The following ITIH3 variants were observed in gnomAD, a reference collection of about 807,000 sequenced individuals.
ITIH3 encodes inter-alpha-trypsin inhibitor heavy chain 3, also known as inter-alpha-trypsin inhibitor heavy chain H3.
ITIH3 carries 81 observed loss-of-function variants against 96.5 expected under a neutral mutation model. That is an observed-to-expected ratio of 0.84 (90% CI 0.70 to 1.01). The LOEUF (loss-of-function observed/expected upper bound fraction) is 1.01. Ranked by LOEUF, ITIH3 falls within the 50% of genes least tolerant of loss-of-function variation. The pLI is 0.00. For synonymous variants in ITIH3, 422 were observed against 445.2 expected (o/e 0.95, Z 0.66); for missense variants, 1,057 against 1,139.3 (o/e 0.93, Z 1.04).
At chr3:52,805,588 C>T (rs565507023) in intron 15 of ITIH3, 22 of 1,368,492 alleles carry the variant, frequency 1.6e-5, no homozygotes, top group East Asian at 8.4e-5. Flanking sequence ...AAAAGCCCTG[C>T]GCCAACGTTA....
Position 52,808,553 on chromosome 3 carries a change from G to A in ITIH3, c.2545G>A (p.Gly849Ser), listed in dbSNP as rs373075211. 132 of 1,613,420 alleles carry A rather than the reference G, an allele frequency of 8.2e-5. No individual in the cohort carries two copies. The highest frequency in any genetic ancestry group is 1.7e-5 in the Admixed American group (1 of 59,986). ...VKNHQLIVTR[G>S]SQKDYRKDAS... ...GCAGCATCTCTCTTCTTTCCCCAGG[G>A]GCTCCCAGAAAGACTACAGAAAGGA... Residue 849 changes from glycine to serine, a missense_variant and splice_region_variant, in exon 22 of 22, where the codon GGC becomes AGC. Gly to Ser is a moderately conservative substitution (Grantham distance 56). Transcript: ENST00000449956.
chr3:52,800,050 G>A, intron 9 of ITIH3, 129 bp downstream of exon 9: 1 of 794,246 alleles, frequency 1.3e-6, no homozygotes, highest in Non-Finnish European at 2.0e-6. Context: ...GGGTAGAGGT[G>A]GGAGTGGATG....
Position 52,807,051 on chromosome 3 carries a change from G to C in ITIH3, c.2207G>C (p.Arg736Thr). Residue 736 changes from arginine to threonine, a missense_variant, in exon 19 of 22, where the codon AGG (arginine) becomes ACG (threonine). Physicochemically the swap from Arg to Thr is moderately conservative, Grantham distance 71. Transcript: ENST00000449956. ...ACGGAGAAGATCACCCTGTGGAACA[G>C]GGCCGTGCCGAGCACTTTCAGCTGG... ...VTTEKITLWN[R>T]AVPSTFSWLD... 1 of 1,601,182 alleles carries C rather than the reference G, an allele frequency of 6.2e-7. No individual in the cohort carries two copies. Among genetic ancestry groups the C allele is most frequent in the Non-Finnish European group, 8.5e-7 (1 of 1,174,034 alleles).
chr3:52,800,775 T>G (rs1699801917), intron 10 of ITIH3, 112 bp downstream of exon 10: 1 of 1,488,574 alleles, frequency 6.7e-7, no homozygotes. Flanking sequence ...GGGTTCCCTG[T>G]GGTCTGGGAG....
At chr3:52,799,122 T>C (rs1334072844) in intron 7 of ITIH3, 31 bp downstream of exon 7, 2 of 1,610,932 alleles carry the variant, frequency 1.2e-6, no homozygotes, top group Non-Finnish European at 1.7e-6. Context: ...ATCATCAGGG[T>C]GGGGCGAGGG....
rs1255180788 is a variant in ITIH3 at position 52,803,306 on chromosome 3, ATTTTATTTTATTATTATTATTTTTTT to A, written c.1709+505_1710-519del. On this transcript the variant is annotated intron_variant, in intron 13 of 21. Coordinates refer to ENST00000449956, the MANE Select transcript of ITIH3 (RefSeq NM_002217.4). ...TATTTATTTATTTATTTATTTATTTATTTTATTTTATTATTATTATTTTTTTTTTTGAGACGGAGTCTCGCTCTGTC... is the reference window on the plus strand; with the variant it reads ...TATTTATTTATTTATTTATTTATTTATTTTGAGACGGAGTCTCGCTCTGTC... 2.4e-3 allele frequency among the ~76,000 whole-genome samples: 305 copies of A among 129,518 alleles called. 1 individual carries two copies. The highest frequency in any genetic ancestry group is 8.8e-3 in the African/African-American group (290 of 33,104). The allele number at this position is 129,518 out of a possible 152,430, so 85.0% of individuals were successfully genotyped here. A position where few individuals can be genotyped will look rare whatever the true frequency, so the allele number is the denominator to read the frequency against.
intron 3 of ITIH3, 45 bp downstream of exon 3, chr3:52,796,692 GT>G: frequency 1.2e-6 from 2 of 1,605,890 alleles, no homozygotes; most frequent in Non-Finnish European, 1.7e-6. Context: ...GGAACAGGGG[GT>G]CTGGCCCAGT....
At chr3:52,795,686 A>C in intron 2 of ITIH3, 63 bp downstream of exon 2, 1 of 1,514,052 alleles carries the variant, frequency 6.6e-7, no homozygotes, top group South Asian at 1.2e-5. Flanking sequence ...TGGTTCCCCA[A>C]CTGCTGAAGG....
At chr3:52,799,541 G>T (rs1001487574) in intron 8 of ITIH3, 53 bp downstream of exon 8, 49 of 1,334,422 alleles carry the variant, frequency 3.7e-5, no homozygotes, top group Admixed American at 2.6e-4. Context: ...GGGTGGAAGA[G>T]ATTTTTTTTT....
chr3:52,806,243 G>A (rs745790201), intron 17 of ITIH3, 50 bp from the exon 18 acceptor site: 1 of 1,602,078 alleles, frequency 6.2e-7, no homozygotes, highest in South Asian at 1.1e-5. Context: ...GGAGGCCCCA[G>A]GTATGATGAG....
Position 52,799,016 on chromosome 3 carries a change from C to A in ITIH3, c.714C>A (p.Thr238=), listed in dbSNP as rs199503739. 40 of 1,613,532 alleles carry A rather than the reference C, an allele frequency of 2.5e-5. No individual in the cohort carries two copies. Among genetic ancestry groups the A allele is most frequent in the Non-Finnish European group, 3.0e-5 (35 of 1,179,748 alleles). The change falls in exon 7 of 22, where the codon ACC becomes ACA. Residue 238 remains threonine, a synonymous_variant. Transcript: ENST00000449956. ...TAGACCAACAGCGTTCATGCCCAACCTGTACAGACTCCCTCCTCAATGGAG... is the reference window on the plus strand; with the variant it reads ...TAGACCAACAGCGTTCATGCCCAACATGTACAGACTCCCTCCTCAATGGAG... The part of the protein sequence containing the change: ...PSLDQQRSCP[T]CTDSLLNGDF...
Position 52,806,278 on chromosome 3 carries a change from C to T in ITIH3, c.1943-15C>T, listed in dbSNP as rs969306342. 14 of 1,611,392 alleles carry T rather than the reference C, an allele frequency of 8.7e-6. No individual in the cohort carries two copies. The highest frequency in any genetic ancestry group is 1.0e-5 in the Non-Finnish European group (12 of 1,178,044). ...GAGGCCCCGGGAGTCAGCTCCTTCT[C>T]TAATGTGTCACCAGTGGACGGGGAT... On this transcript the variant is annotated splice_polypyrimidine_tract_variant and intron_variant, in intron 17 of 21. Coordinates refer to ENST00000449956, the MANE Select transcript of ITIH3 (RefSeq NM_002217.4).
Position 52,799,830 on chromosome 3 carries a change from T to C in ITIH3, c.984T>C (p.Asp328=), listed in dbSNP as rs773316727. ...TGAATTTCATCCTGTTCAGTGGAGATGTGTCCACATGGAAAGAGCACTTAG... is the reference window on the plus strand; with the variant it reads ...TGAATTTCATCCTGTTCAGTGGAGACGTGTCCACATGGAAAGAGCACTTAG... The part of the protein sequence containing the change: ...DYLNFILFSG[D]VSTWKEHLVQ... Residue 328 remains aspartate (D), a synonymous_variant, in exon 9 of 22, where the codon GAT becomes GAC. Transcript: ENST00000449956. 2 of 1,613,700 alleles carry C rather than the reference T, an allele frequency of 1.2e-6. No homozygotes were observed. The highest frequency in any genetic ancestry group is 2.7e-5 in the African/African-American group (2 of 74,934).
intron 7 of ITIH3, 135 bp from the exon 8 acceptor site, chr3:52,799,237 G>C: frequency 8.3e-7 from 1 of 1,211,820 alleles, no homozygotes; most frequent in Admixed American, 2.1e-5. Context: ...CTAGAGCCTG[G>C]TGCAGCACCC....
At chr3:52,802,884 A>C in intron 13 of ITIH3, 78 bp downstream of exon 13, 1 of 1,527,138 alleles carries the variant, frequency 6.5e-7, no homozygotes, top group Non-Finnish European at 8.9e-7. Flanking sequence ...ACGCAGTCCC[A>C]GCGGTCCTGC....
chr3:52,799,169 T>A, intron 7 of ITIH3, 78 bp downstream of exon 7: 1 of 1,532,780 alleles, frequency 6.5e-7, no homozygotes, highest in Non-Finnish European at 8.9e-7. Flanking sequence ...TCTAGTGCCA[T>A]CACCCTGGGT....
chr3:52,795,945 C>T, intron 2 of ITIH3: 1 of 366,904 alleles, frequency 2.7e-6, no homozygotes, highest in African/African-American at 2.1e-5. Context: ...ATCTTTATAT[C>T]CCTAGGGGGA....
intron 3 of ITIH3, 41 bp from the exon 4 acceptor site, chr3:52,796,698 C>A: frequency 1.2e-6 from 2 of 1,605,750 alleles, no homozygotes; most frequent in Non-Finnish European, 1.7e-6. Flanking sequence ...GGGGGTCTGG[C>A]CCAGTGTGAT....
At chr3:52,794,991 C>A (rs1699521715) in intron 1 of ITIH3, 95 bp downstream of exon 1, 2 of 1,031,748 alleles carry the variant, frequency 1.9e-6, no homozygotes, top group Non-Finnish European at 3.0e-6. Context: ...GAAGAGGAGG[C>A]AGAGGGCTGG....
Sources: allele counts gnomAD v4.1 joint callset (sites outside exome capture counted in the v4.1 genomes callset), GRCh38; gene constraint gnomAD v4.1.1; transcripts MANE v1.5; gene names NCBI Gene and HGNC (gene_info 2026-07-23, HGNC 2026-07-21).